The following ZFP62 variants were observed in gnomAD, a reference collection of about 807,000 sequenced individuals.
The protein encoded by ZFP62 is zinc finger protein 62 homolog.
Under a neutral mutation model 56.4 loss-of-function variants are expected in ZFP62, and 44 were observed. The ratio of observed to expected loss-of-function variants is 0.78; its 90% CI spans 0.61 to 1.00. ZFP62 has a LOEUF of 1.00. Among genes scored for constraint, ZFP62 ranks in the 50% least tolerant of loss-of-function variants. The probability of loss-of-function intolerance (pLI) is 0.00; values close to 1 mark genes in which losing one functional copy is unlikely to be tolerated. For missense variants in ZFP62, 1,030 were observed against 1,085.7 expected, an observed-to-expected ratio of 0.95 and a Z score of 0.72; for synonymous variants, 421 against 388.9, an observed-to-expected ratio of 1.08 and a Z score of -0.97.
chr5:180,841,669 G>A, the ZFP62 span, among the ~76,000 whole-genome samples: 1 of 152,150 alleles, frequency 6.6e-6, no homozygotes, highest in Non-Finnish European at 1.5e-5. Context: ...AGAAAGCACT[G>A]CCACAGATGC....
At chr5:180,829,506 C>G in the ZFP62 span, among the ~76,000 whole-genome samples, 1 of 152,216 alleles carries the variant, frequency 6.6e-6, no homozygotes, top group Non-Finnish European at 1.5e-5. Context: ...AAATTCCGCT[C>G]TTTGTACTCT....
chr5:180,860,024 CCCAT>C (rs1774219656), intron 1 of ZFP62, among the ~76,000 whole-genome samples: 1 of 152,150 alleles, frequency 6.6e-6, no homozygotes, highest in Non-Finnish European at 1.5e-5. Flanking sequence ...CAAACAATGG[CCCAT>C]CCAATACTTA....
Position 180,850,835 on chromosome 5 carries a change from A to G in ZFP62, c.660T>C (p.Ser220=), listed in dbSNP as rs749743363. The G allele has an allele frequency of 1.7e-5, 27 of 1,565,350 alleles. No homozygotes were observed. The highest frequency in any genetic ancestry group is 3.8e-5 in the Admixed American group (2 of 52,004). ...SSLINHKSTH[S]GEKNCKCDEC... The stretch of plus-strand genomic sequence containing the variant: ...CATCACATTTACAGTTCTTCTCCCC[A>G]GAATGGGTGCTTTTGTGGTTTATAA... Residue 220 remains serine, a synonymous_variant, in exon 2 of 2, where the codon TCT becomes TCC. Coordinates refer to ENST00000502412, the MANE Select transcript of ZFP62 (RefSeq NM_001172638.2).
At chr5:180,856,869 G>A (rs1260363005) in intron 1 of ZFP62, among the ~76,000 whole-genome samples, 1 of 147,618 alleles carries the variant, frequency 6.8e-6, no homozygotes, top group African/African-American at 2.5e-5. Context: ...CAGGAGAATG[G>A]CATGAACCTG....
At chr5:180,858,977 A>T (rs2619755) in intron 1 of ZFP62, among the ~76,000 whole-genome samples, 104,622 of 152,036 alleles carry the variant, frequency 0.69, 37,930 homozygotes, top group East Asian at 0.96. Flanking sequence ...CACTCTTCCG[A>T]GCTTCTTGTT....
chr5:180,849,855 C>G lies in ZFP62; in HGVS notation c.1640G>C (p.Gly547Ala). The change falls in exon 2 of 2, where the codon GGC (glycine) becomes GCC (alanine). Residue 547 changes from glycine to alanine, a missense_variant. Physicochemically the swap from Gly to Ala is moderately conservative, Grantham distance 60. Coordinates refer to ENST00000502412, the MANE Select transcript of ZFP62 (RefSeq NM_001172638.2). The stretch of plus-strand genomic sequence containing the variant: ...GTGGATTCGTTTATGTACTTTAAGG[C>G]CAGAATTATTTCTGAAAGCTTTACC... ...ECGKAFRNNS[G>A]LKVHKRIHTG... 6.4e-7 allele frequency: 1 copy of G among 1,551,692 alleles called. No homozygotes were observed. The highest frequency in any genetic ancestry group is 8.7e-7 in the Non-Finnish European group (1 of 1,146,994).
intron 1 of ZFP62, chr5:180,860,715 T>TGGG (rs1561912624): frequency 1.3e-5 from 2 of 148,438 alleles, no homozygotes; most frequent in African/African-American, 5.0e-5. Context: ...AAAAAGGTGG[T>TGGG]GGGGTGGAGC....
chr5:180,832,661 A>C, the ZFP62 span: 1 of 152,184 alleles, frequency 6.6e-6, no homozygotes, highest in African/African-American at 2.4e-5. Flanking sequence ...TGACTACCTC[A>C]TGACCCCTTA....
downstream of ZFP62, among the ~76,000 whole-genome samples, chr5:180,844,342 G>A (rs1329784647): frequency 3.3e-5 from 5 of 152,188 alleles, no homozygotes; most frequent in African/African-American, 1.2e-4. Context: ...AATGGAATAT[G>A]GCCCCATGGT....
downstream of ZFP62, among the ~76,000 whole-genome samples, chr5:180,843,544 A>G (rs188219602): frequency 4.3e-4 from 66 of 152,362 alleles, no homozygotes; most frequent in East Asian, 9.6e-3. Context: ...TGTTATTAAT[A>G]CCAGAAAAAA....
At chr5:180,838,064 T>C in the ZFP62 span, among the ~76,000 whole-genome samples, 2 of 152,332 alleles carry the variant, frequency 1.3e-5, no homozygotes, top group South Asian at 2.1e-4. Flanking sequence ...GACCTGTGTA[T>C]AGGAAATCTT....
Position 180,849,536 on chromosome 5 carries a change from G to T in ZFP62, c.1959C>A (p.Val653=). 2 of 1,551,880 alleles carry T rather than the reference G, an allele frequency of 1.3e-6. No homozygotes were observed. The highest frequency in any genetic ancestry group is 1.7e-6 in the Non-Finnish European group (2 of 1,147,044). The change falls in exon 2 of 2, where the codon GTC becomes GTA. Residue 653 remains valine (V), a synonymous_variant. Transcript: ENST00000502412. The part of the protein sequence containing the change: ...KPYECDRCEK[V]FRNNSSLKVH... ...CTTTAAGGCTTGAGTTGTTTCTGAA[G>T]ACCTTCTCACACCTGTCACATTCAT...
At chr5:180,851,711 A>C (rs915314082) in intron 1 of ZFP62, among the ~76,000 whole-genome samples, 1 of 152,170 alleles carries the variant, frequency 6.6e-6, no homozygotes, top group African/African-American at 2.4e-5. Context: ...AAATGCTAGA[A>C]CCCTGGATTT....
Position 180,856,915 on chromosome 5 carries a change from T to C in ZFP62, c.1+4304A>G, listed in dbSNP as rs375792251. On this transcript the variant is annotated intron_variant, in intron 1 of 1. Transcript: ENST00000502412. The stretch of plus-strand genomic sequence containing the variant: ...CTGCAGTGAGCTGAGATCGTGCCAC[T>C]GCACTCCAGCCTGGGTGACAGAGCA... Among the ~76,000 whole-genome samples, 34 of 129,446 alleles carry C rather than the reference T, an allele frequency of 2.6e-4. 1 individual carries two copies. Among genetic ancestry groups the C allele is most frequent in the Admixed American group, 1.7e-3 (18 of 10,574 alleles). The allele number at this position is 129,446 out of a possible 152,430, so 84.9% of individuals were successfully genotyped here. A position where few individuals can be genotyped will look rare whatever the true frequency, so the allele number is the denominator to read the frequency against.
intron 1 of ZFP62, among the ~76,000 whole-genome samples, chr5:180,858,843 A>T (rs1004514781): frequency 6.6e-6 from 1 of 152,214 alleles, no homozygotes; most frequent in Non-Finnish European, 1.5e-5. Flanking sequence ...TGAATGGACA[A>T]GCCCTTTCTA....
At chr5:180,827,917 T>C in the ZFP62 span, among the ~76,000 whole-genome samples, 1 of 152,222 alleles carries the variant, frequency 6.6e-6, no homozygotes, top group African/African-American at 2.4e-5. Flanking sequence ...TGTATGCATA[T>C]CTAAAAGCAC....
In ZFP62 at chr5:180,848,729, A is replaced by G; in HGVS notation, c.*63T>C. On this transcript the variant is annotated 3_prime_UTR_variant, in exon 2 of 2. Coordinates refer to ENST00000502412, the MANE Select transcript of ZFP62 (RefSeq NM_001172638.2). ...TAAATTACAAGCCATGACCCCCTACATTCTTACATTCATAAGGTATTTCTT... is the reference window on the plus strand; with the variant it reads ...TAAATTACAAGCCATGACCCCCTACGTTCTTACATTCATAAGGTATTTCTT... 6.9e-7 allele frequency: 1 copy of G among 1,453,712 alleles called. No homozygotes were observed. Among genetic ancestry groups the G allele is most frequent in the Non-Finnish European group, 9.1e-7 (1 of 1,100,152 alleles). 90.1% of individuals were successfully genotyped at this position (1,453,712 alleles called of 1,614,324 possible). A position where few individuals can be genotyped will look rare whatever the true frequency, so the allele number is the denominator to read the frequency against.
the ZFP62 span, among the ~76,000 whole-genome samples, chr5:180,840,179 C>T: frequency 6.6e-6 from 1 of 152,202 alleles, no homozygotes; most frequent in Non-Finnish European, 1.5e-5. Context: ...TCCACTGTCC[C>T]ATGTGCCTGA....
rs919206830 is a variant in ZFP62 at position 180,850,533 on chromosome 5, C to A, written c.962G>T (p.Cys321Phe). Reference sequence around the variant, plus strand: ...GCTTTTATGGTTGAGAAGTGTTCTACAAGTAATGAAGGCCTTCCCACACTC... The same window carrying A: ...GCTTTTATGGTTGAGAAGTGTTCTAAAAGTAATGAAGGCCTTCCCACACTC... ...CDECGKAFIT[C>F]RTLLNHKSIH... Residue 321 changes from cysteine (C) to phenylalanine (F), a missense_variant, in exon 2 of 2, where the codon TGT (cysteine) becomes TTT (phenylalanine). Physicochemically the swap from Cys to Phe is radical, Grantham distance 205. Transcript: ENST00000502412. 1.9e-6 allele frequency: 3 copies of A among 1,554,540 alleles called. No individual in the cohort carries two copies. In the Admixed American group the frequency reaches 5.9e-5, roughly 30 times the overall value.
Sources: allele counts gnomAD v4.1 joint callset (sites outside exome capture counted in the v4.1 genomes callset), GRCh38; gene constraint gnomAD v4.1.1; transcripts MANE v1.5; gene names NCBI Gene and HGNC (gene_info 2026-07-23, HGNC 2026-07-21).